Variants in NEXN observed in about 807,000 individuals in gnomAD.
NEXN encodes nexilin F-actin binding protein.
In NEXN, 65 loss-of-function variants were observed where a neutral mutation model predicts 92.6. The ratio of observed to expected loss-of-function variants is 0.70; its 90% confidence interval spans 0.57 to 0.86. The LOEUF is 0.86. Among genes scored for constraint, NEXN ranks in the 40% least tolerant of loss-of-function variants. The pLI is 0.00. For missense variants in NEXN, 778 were observed against 771.1 expected, an observed-to-expected ratio of 1.01 and a Z score of -0.11; for synonymous variants, 254 against 242.5, an observed-to-expected ratio of 1.05 and a Z score of -0.44.
chr1:77,904,075 C>T (rs1266807916), intron 1 of NEXN, among the ~76,000 whole-genome samples: 2 of 152,138 alleles, frequency 1.3e-5, no homozygotes, highest in African/African-American at 4.8e-5. Flanking sequence ...TCACTGCGAC[C>T]TCTGCCTCCC....
At chr1:77,925,328 TTTA>T in intron 6 of NEXN, 99 bp downstream of exon 6, 1 of 855,684 alleles carries the variant, frequency 1.2e-6, no homozygotes, top group Non-Finnish European at 1.9e-6. Context: ...TTTTATTATT[TTTA>T]TTATAAATGT....
chr1:77,926,456 T>G lies in NEXN; in HGVS notation c.532T>G (p.Ser178Ala), dbSNP rs1183764158. 6.2e-7 allele frequency: 1 copy of G among 1,608,208 alleles called. No homozygotes were observed. Among genetic ancestry groups the G allele is most frequent in the East Asian group, 2.2e-5 (1 of 44,732 alleles). Residue 178 changes from serine to alanine, a missense_variant, in exon 7 of 13, where the codon TCA becomes GCA. Around this residue, in one of 3 missense-constraint regions of NEXN, gnomAD observed 236 missense variants for 265.6 expected, o/e 0.89. Coordinates refer to ENST00000334785, the MANE Select transcript of NEXN (RefSeq NM_144573.4). ...ACTTATAACTGTGGTACCTGTCAAA[T>G]CATATAAAACATCTGGAAAAATGAA... ...SLLITVVPVK[S>A]YKTSGKMKKN...
rs1338886488 is a variant in NEXN, at chr1:77,935,935, T to C, written c.1364T>C (p.Ile455Thr). Residue 455 changes from isoleucine (I) to threonine (T), a missense_variant, in exon 11 of 13, where the codon ATT becomes ACT. Transcript: ENST00000334785. ...AACCTAAAAAGCAAGTTTGAAAAAA[T>C]TGGACAGTTGTCTGAAAAAGAAATA... Reference protein sequence around the residue: ...AKNLKSKFEKIGQLSEKEIQK... With the variant: ...AKNLKSKFEKTGQLSEKEIQK... 3.7e-6 allele frequency: 6 copies of C among 1,613,604 alleles called. No individual in the cohort carries two copies. Among genetic ancestry groups the C allele is most frequent in the Admixed American group, 3.3e-5 (2 of 59,976 alleles).
rs1649751729 is a variant in NEXN at position 77,925,200 on chromosome 1, A to G, written c.460A>G (p.Asn154Asp). The change falls in exon 6 of 13, where the codon AAC (asparagine) becomes GAC (aspartate). Residue 154 changes from asparagine (N) to aspartate (D), a missense_variant. Physicochemically the swap from Asn to Asp is conservative, Grantham distance 23. Coordinates refer to ENST00000334785, the MANE Select transcript of NEXN (RefSeq NM_144573.4). ...TCTCATTCAATAGATTGAGGACATAAACAATACGGGAACTGAATCAGCATC... is the reference window on the plus strand; with the variant it reads ...TCTCATTCAATAGATTGAGGACATAGACAATACGGGAACTGAATCAGCATC... ...AKRAEQIEDI[N>D]NTGTESASEE... is the part of the protein sequence containing the mutation. 2 of 1,598,860 alleles carry G rather than the reference A, an allele frequency of 1.3e-6. No individual in the cohort carries two copies. Among genetic ancestry groups the G allele is most frequent in the Non-Finnish European group, 1.7e-6 (2 of 1,167,808 alleles).
At chr1:77,939,834 G>A (rs1651104783) in intron 11 of NEXN, among the ~76,000 whole-genome samples, 1 of 152,224 alleles carries the variant, frequency 6.6e-6, no homozygotes, top group South Asian at 2.1e-4. Context: ...AGCACTTTGG[G>A]AGGCGGAGGC....
chr1:77,942,926 C>T lies in NEXN; in HGVS notation c.*97C>T. On this transcript the variant is annotated 3_prime_UTR_variant, in exon 13 of 13. Coordinates refer to ENST00000334785, the MANE Select transcript of NEXN (RefSeq NM_144573.4). The stretch of plus-strand genomic sequence containing the variant: ...TGATGACTACTAGCTCCCCTCCCCT[C>T]TCCCTGGAACTTTCTCTTTCACTCC... The T allele has an allele frequency of 6.8e-7, 1 of 1,461,386 alleles. No homozygotes were observed. 90.5% of individuals were successfully genotyped at this position (1,461,386 alleles called of 1,614,324 possible). A position where few individuals can be genotyped will look rare whatever the true frequency, so the allele number is the denominator to read the frequency against.
intron 6 of NEXN, among the ~76,000 whole-genome samples, chr1:77,925,554 A>G (rs1409908935): frequency 6.6e-6 from 1 of 152,196 alleles, no homozygotes; most frequent in Non-Finnish European, 1.5e-5. Flanking sequence ...TAACATTTAT[A>G]AAAAGGCAAT....
At chr1:77,938,941 T>G (rs1651023209) in intron 11 of NEXN, among the ~76,000 whole-genome samples, 1 of 152,212 alleles carries the variant, frequency 6.6e-6, no homozygotes, top group South Asian at 2.1e-4. Flanking sequence ...AATGAAAGTC[T>G]TTTTAAACCT....
rs755400799 is a variant in NEXN, at chr1:77,942,630, A to G, written c.1829A>G (p.Lys610Arg). 3 of 1,613,786 alleles carry G rather than the reference A, an allele frequency of 1.9e-6. No individual in the cohort carries two copies. The highest frequency in any genetic ancestry group is 2.5e-6 in the Non-Finnish European group (3 of 1,179,742). Reference protein sequence around the residue: ...RFTVKVTGEPKPEITWWFEGE... With the variant: ...RFTVKVTGEPRPEITWWFEGE... Reference sequence around the variant, plus strand: ...ACGGTTAAAGTAACAGGAGAACCCAAACCAGAAATTACATGGTGGTTTGAA... The same window carrying G: ...ACGGTTAAAGTAACAGGAGAACCCAGACCAGAAATTACATGGTGGTTTGAA... The change falls in exon 13 of 13, where the codon AAA (lysine) becomes AGA (arginine). Residue 610 changes from lysine to arginine, a missense_variant. This residue lies in a region of NEXN where 532 missense variants were observed against 476.7 expected (regional missense o/e 1.12). Coordinates refer to ENST00000334785, the MANE Select transcript of NEXN (RefSeq NM_144573.4).
chr1:77,935,695 G>T (rs1650692170), intron 10 of NEXN, 128 bp from the exon 11 acceptor site: 1 of 732,842 alleles, frequency 1.4e-6, no homozygotes, highest in Non-Finnish European at 2.3e-6. Context: ...GCATGTGCCT[G>T]TAGTCCCAGC....
At chr1:77,911,431 A>G (rs1265876475) in intron 1 of NEXN, among the ~76,000 whole-genome samples, 1 of 152,122 alleles carries the variant, frequency 6.6e-6, no homozygotes, top group African/African-American at 2.4e-5. Flanking sequence ...GTCTCTACTA[A>G]AAATACAAAA....
intron 11 of NEXN, 144 bp downstream of exon 11, chr1:77,936,188 C>CATGT: frequency 1.6e-6 from 1 of 645,120 alleles, no homozygotes. Context: ...TAGCAAAACA[C>CATGT]ATGTAGATCT....
chr1:77,931,412 C>CAAA (rs138490881), intron 9 of NEXN, among the ~76,000 whole-genome samples: 1 of 57,590 alleles, frequency 1.7e-5, no homozygotes. Flanking sequence ...GACTCCGTCT[C>CAAA]AAAAAAAAAA....
chr1:77,896,454 G>A (rs1647260330), intron 1 of NEXN, among the ~76,000 whole-genome samples: 1 of 151,808 alleles, frequency 6.6e-6, no homozygotes, highest in South Asian at 2.1e-4. Flanking sequence ...TCTTGCAATT[G>A]TGCCCCACTA....
At chr1:77,941,212 A>G (rs1379833709) in intron 11 of NEXN, among the ~76,000 whole-genome samples, 4 of 152,126 alleles carry the variant, frequency 2.6e-5, no homozygotes. Context: ...AACTAGATCC[A>G]CAAATGCCTA....
At chr1:77,898,988 C>G (rs2102042352) in intron 1 of NEXN, among the ~76,000 whole-genome samples, 1 of 152,292 alleles carries the variant, frequency 6.6e-6, no homozygotes, top group African/African-American at 2.4e-5. Context: ...GAATGGCGAT[C>G]ATTAATAAGT....
rs1322783551 is a variant in NEXN, at chr1:77,935,802, ACT to A, written c.1252-20_1252-19del. 6.2e-7 allele frequency: 1 copy of A among 1,600,510 alleles called. No homozygotes were observed. Among genetic ancestry groups the A allele is most frequent in the East Asian group, 2.2e-5 (1 of 44,794 alleles). On this transcript the variant is annotated intron_variant, in intron 10 of 12. Transcript: ENST00000334785. The stretch of plus-strand genomic sequence containing the variant: ...ACTCTCTCAAAAACAGCAGCAACAA[ACT>A]TATTAATTTTTTTTGAAGGAAGAGG...
intron 1 of NEXN, among the ~76,000 whole-genome samples, chr1:77,914,213 C>T (rs1648791052): frequency 6.6e-6 from 1 of 152,082 alleles, no homozygotes; most frequent in Non-Finnish European, 1.5e-5. Context: ...CAGGAGTAAA[C>T]CCTAATGTAA....
At chr1:77,923,503 CT>C (rs1321265623) in intron 5 of NEXN, among the ~76,000 whole-genome samples, 2 of 151,944 alleles carry the variant, frequency 1.3e-5, no homozygotes, top group Non-Finnish European at 2.9e-5. Flanking sequence ...TGAATTCTTA[CT>C]TTTTTAACGG....
Sources: gnomAD v4.1 joint callset for allele counts (sites outside exome capture counted in the v4.1 genomes callset) on GRCh38, gnomAD v4.1.1 for gene constraint, gnomAD v4.1.1 regional missense constraint, MANE v1.5 for transcripts, NCBI Gene and HGNC (gene_info 2026-07-23, HGNC 2026-07-21) for gene names.